SEC14L5: variants seen among roughly 807,000 people sequenced by gnomAD.
SEC14L5 encodes SEC14-like protein 5.
Under a neutral mutation model 84.6 loss-of-function variants are expected in SEC14L5, and 96 were observed. The observed-to-expected ratio is 1.13, with a 90% confidence interval of 0.96 to 1.34. The LOEUF is 1.34. Ranked by LOEUF, SEC14L5 falls within the 40% of genes most tolerant of loss-of-function variation. The pLI is 0.00. For missense variants in SEC14L5, 1,224 were observed against 942.5 expected, an observed-to-expected ratio of 1.30 and a Z score of -3.91; for synonymous variants, 546 against 383.4, an observed-to-expected ratio of 1.42 and a Z score of -4.95.
chr16:5,000,826 C>T (rs368156769), intron 9 of SEC14L5, 29 bp from the exon 10 acceptor site: 458 of 1,586,322 alleles, frequency 2.9e-4, no homozygotes, highest in Non-Finnish European at 3.6e-4. Context: ...GCGAGGCGGA[C>T]GTTGAGCAGC....
intron 6 of SEC14L5, among the ~76,000 whole-genome samples, chr16:4,992,452 A>G (rs957720681): frequency 3.3e-5 from 5 of 152,058 alleles, no homozygotes; most frequent in African/African-American, 1.2e-4. Flanking sequence ...GGGTTTCACC[A>G]TGTTGGTCAG....
chr16:5,010,825 C>T (rs1018391342), intron 14 of SEC14L5: 1 of 463,918 alleles, frequency 2.2e-6, no homozygotes, highest in African/African-American at 1.9e-5. Context: ...TGTTTAAGCA[C>T]CTCTGTTGTC....
rs1955861357 is a variant in SEC14L5, at chr16:5,015,218, G to A, written c.*248G>A. 3.8e-6 allele frequency: 2 copies of A among 524,372 alleles called. No homozygotes were observed. Among genetic ancestry groups the A allele is most frequent in the East Asian group, 3.1e-5 (1 of 32,332 alleles). 32.5% of individuals were successfully genotyped at this position (524,372 alleles called of 1,614,324 possible). A position where few individuals can be genotyped will look rare whatever the true frequency, so the allele number is the denominator to read the frequency against. On this transcript the variant is annotated 3_prime_UTR_variant, in exon 16 of 16. Coordinates refer to ENST00000251170, the MANE Select transcript of SEC14L5 (RefSeq NM_014692.2). ...TTCGTGTAAGGAAGACCAAGCCAAG[G>A]CCAAGGTGTCTACCATACCACACCT...
At chr16:4,969,075 T>C (rs774242036) in intron 2 of SEC14L5, among the ~76,000 whole-genome samples, 16 of 152,384 alleles carry the variant, frequency 1.0e-4, no homozygotes, top group Middle Eastern at 3.4e-3. Context: ...CTGGAGCCTG[T>C]CATCTGATCC....
At chr16:5,009,333 T>C (rs1955773363) in intron 14 of SEC14L5, among the ~76,000 whole-genome samples, 1 of 151,924 alleles carries the variant, frequency 6.6e-6, no homozygotes, top group South Asian at 2.1e-4. Context: ...TGAGACAGGG[T>C]CTCACTCTAT....
At chr16:4,974,257 C>A (rs1955314102) in intron 2 of SEC14L5, among the ~76,000 whole-genome samples, 1 of 152,062 alleles carries the variant, frequency 6.6e-6, no homozygotes, top group Non-Finnish European at 1.5e-5. Flanking sequence ...TCTCTGTTAC[C>A]CAGGCTGGAG....
intron 2 of SEC14L5, among the ~76,000 whole-genome samples, chr16:4,974,051 G>A (rs140654323): frequency 3.3e-5 from 5 of 152,064 alleles, no homozygotes; most frequent in East Asian, 3.9e-4. Context: ...TAGATGAGTC[G>A]GATGAGTGGT....
intron 11 of SEC14L5, among the ~76,000 whole-genome samples, chr16:5,003,901 T>C (rs1391851554): frequency 6.6e-6 from 1 of 152,220 alleles, no homozygotes; most frequent in Non-Finnish European, 1.5e-5. Flanking sequence ...GTTTGTGTTA[T>C]AGGTGTGAGC....
At chr16:4,977,446 C>CAAAAAAAAAAA (rs762657125) in intron 2 of SEC14L5, among the ~76,000 whole-genome samples, 9 of 66,148 alleles carry the variant, frequency 1.4e-4, no homozygotes, top group Admixed American at 2.4e-4. Flanking sequence ...GACTCCGTCT[C>CAAAAAAAAAAA]AAAAAAAAAA....
chr16:4,987,630 G>C lies in SEC14L5; in HGVS notation c.137G>C (p.Arg46Pro). 6.4e-7 allele frequency: 1 copy of C among 1,556,278 alleles called. No individual in the cohort carries two copies. Among genetic ancestry groups the C allele is most frequent in the Non-Finnish European group, 8.7e-7 (1 of 1,151,230 alleles). The change falls in exon 3 of 16, where the codon CGC becomes CCC. Residue 46 changes from arginine (R) to proline (P), a missense_variant. Arg to Pro is a moderately radical substitution (Grantham distance 103). Transcript: ENST00000251170. ...GGCAGCGAGGTCTTGCGCGAGTCCC[G>C]CAGCCCGGACGGGGCTGTGCACGTG... ...FLGSEVLRES[R>P]SPDGAVHVVE...
intron 14 of SEC14L5, among the ~76,000 whole-genome samples, chr16:5,008,996 C>G (rs931069648): frequency 1.1e-4 from 16 of 152,306 alleles, no homozygotes; most frequent in African/African-American, 3.8e-4. Flanking sequence ...TAATGAGTTA[C>G]CACAAACTAC....
chr16:4,992,332 C>T (rs1955562084), intron 6 of SEC14L5, among the ~76,000 whole-genome samples: 1 of 152,222 alleles, frequency 6.6e-6, no homozygotes, highest in Non-Finnish European at 1.5e-5. Flanking sequence ...CTCCCTGCAA[C>T]CTCCGCCCCC....
chr16:4,987,199 A>G (rs931328531), intron 2 of SEC14L5, among the ~76,000 whole-genome samples: 1 of 51,362 alleles, frequency 1.9e-5, no homozygotes, highest in African/African-American at 5.5e-5. Context: ...AGTTTATTGA[A>G]TCTTTTTTTT....
intron 8 of SEC14L5, among the ~76,000 whole-genome samples, chr16:4,997,396 G>C (rs951277184): frequency 7.2e-5 from 11 of 152,138 alleles, no homozygotes; most frequent in African/African-American, 2.7e-4. Context: ...CACCGCACCC[G>C]GCCCAAATGC....
chr16:5,003,620 A>AT, intron 11 of SEC14L5, 47 bp downstream of exon 11: 4 of 147,420 alleles, frequency 2.7e-5, no homozygotes, highest in South Asian at 1.1e-4. Context: ...GGTGGGTGGG[A>AT]TGGGAGGGGT....
chr16:4,999,018 G>A lies in SEC14L5; in HGVS notation c.971-1637G>A, dbSNP rs917299926. 2.0e-5 allele frequency among the ~76,000 whole-genome samples: 3 copies of A among 152,258 alleles called. No individual in the cohort carries two copies. In the South Asian group the frequency reaches 6.2e-4, roughly 32 times the overall value. ...GCTGTCTGCTGAAGTTGAATGACGC[G>A]GCTCCTGCCTTTTTGTTTCAGTTCT... is the stretch of plus-strand genomic sequence containing the variant. On this transcript the variant is annotated intron_variant, in intron 8 of 15. Transcript: ENST00000251170.
intron 2 of SEC14L5, among the ~76,000 whole-genome samples, chr16:4,980,626 G>A (rs965600127): frequency 1.3e-5 from 2 of 152,296 alleles, no homozygotes; most frequent in East Asian, 3.9e-4. Context: ...GCCCGGCACA[G>A]GTATGAGGTT....
At chr16:5,010,814 G>A (rs116885521) in intron 14 of SEC14L5, 1 of 419,950 alleles carries the variant, frequency 2.4e-6, no homozygotes, top group African/African-American at 2.0e-5. Context: ...CAAAATCCAG[G>A]TGTTTAAGCA....
intron 2 of SEC14L5, among the ~76,000 whole-genome samples, chr16:4,985,846 A>G (rs1010647325): frequency 2.6e-5 from 4 of 151,340 alleles, no homozygotes; most frequent in African/African-American, 9.7e-5. Context: ...GAGTAGATAG[A>G]TATGTGCACA....
Sources: gnomAD v4.1 joint callset for allele counts (sites outside exome capture counted in the v4.1 genomes callset) on GRCh38, gnomAD v4.1.1 for gene constraint, MANE v1.5 for transcripts, NCBI Gene and HGNC (gene_info 2026-07-23, HGNC 2026-07-21) for gene names.